The following ALDH5A1 variants were observed in gnomAD, a reference collection of about 807,000 sequenced individuals.
ALDH5A1 encodes the protein aldehyde dehydrogenase 5 family member A1, also known as succinate-semialdehyde dehydrogenase, mitochondrial.
Under a neutral mutation model 54.7 loss-of-function variants are expected in ALDH5A1, and 33 were observed. That is an observed-to-expected ratio of 0.60 (90% CI 0.46 to 0.81). ALDH5A1 has a LOEUF of 0.81. Ranked by LOEUF, ALDH5A1 falls within the 30% of genes least tolerant of loss-of-function variation. ALDH5A1 has a pLI of 0.00. For missense variants in ALDH5A1, 657 were observed against 711.0 expected (o/e 0.92, Z 0.86); for synonymous variants, 294 against 292.7 (o/e 1.00, Z -0.05).
chr6:24,506,825 A>G (rs1759368393), intron 4 of ALDH5A1, among the ~76,000 whole-genome samples: 3 of 104,964 alleles, frequency 2.9e-5, no homozygotes, highest in Admixed American at 1.9e-4. Context: ...AATTTCTCCT[A>G]TTACTAGCAG....
At chr6:24,525,704 G>A (rs1759786451) in intron 7 of ALDH5A1, among the ~76,000 whole-genome samples, 2 of 77,726 alleles carry the variant, frequency 2.6e-5, no homozygotes, top group South Asian at 3.3e-4. Flanking sequence ...CAAAACAGAA[G>A]TCAAAACAGA....
At chr6:24,531,382 C>G (rs1191312209) in intron 8 of ALDH5A1, among the ~76,000 whole-genome samples, 2 of 152,192 alleles carry the variant, frequency 1.3e-5, no homozygotes, top group Non-Finnish European at 2.9e-5. Flanking sequence ...TGATGTAGCT[C>G]TAGACTTTGC....
intron 4 of ALDH5A1, among the ~76,000 whole-genome samples, chr6:24,508,437 C>T (rs1237106387): frequency 1.4e-5 from 2 of 147,686 alleles, no homozygotes; most frequent in African/African-American, 5.0e-5. Context: ...CTGCAAATGC[C>T]ATTAATTCAT....
intron 1 of ALDH5A1, among the ~76,000 whole-genome samples, chr6:24,498,557 C>T (rs1485964608): frequency 6.6e-6 from 1 of 152,232 alleles, no homozygotes; most frequent in African/African-American, 2.4e-5. Context: ...CAGCATTATC[C>T]TGTGTTCAGA....
At chr6:24,532,235 G>T in intron 9 of ALDH5A1, 58 bp downstream of exon 9, 1 of 1,554,136 alleles carries the variant, frequency 6.4e-7, no homozygotes, top group Non-Finnish European at 8.9e-7. Context: ...GCTCATGCCA[G>T]ATTTACCCTT....
chr6:24,532,058 CA>C (rs1197957130), intron 8 of ALDH5A1, 60 bp from the exon 9 acceptor site: 2 of 1,514,134 alleles, frequency 1.3e-6, no homozygotes, highest in African/African-American at 2.7e-5. Flanking sequence ...CAGAAGAAAA[CA>C]AAACTGGTTT....
intron 7 of ALDH5A1, among the ~76,000 whole-genome samples, chr6:24,524,028 C>T (rs951517438): frequency 6.8e-6 from 1 of 147,160 alleles, no homozygotes. Flanking sequence ...CTCTGTTGCC[C>T]AGGCTAGAGT....
intron 7 of ALDH5A1, among the ~76,000 whole-genome samples, chr6:24,527,197 T>C (rs754739978): frequency 6.6e-6 from 1 of 151,716 alleles, no homozygotes; most frequent in Admixed American, 6.6e-5. Flanking sequence ...TCAAGCAAAT[T>C]ATCAATCAGG....
chr6:24,527,783 T>C (rs2127389463), intron 7 of ALDH5A1, among the ~76,000 whole-genome samples: 1 of 152,268 alleles, frequency 6.6e-6, no homozygotes, highest in African/African-American at 2.4e-5. Context: ...ATCAAACAGC[T>C]AGAAGATATC....
At position 24,535,456 on chromosome 6, in the gene ALDH5A1, G is replaced by C. The variant is rs763605460; in HGVS notation, c.*1744G>C. 3.9e-5 allele frequency: 6 copies of C among 152,190 alleles called. No individual in the cohort carries two copies. The highest frequency in any genetic ancestry group is 8.8e-5 in the Non-Finnish European group (6 of 68,030). The allele number at this position is 152,190 out of a possible 1,614,324, so 9.4% of individuals were successfully genotyped here. ...CTTCTCTTTATTTGTGTAGTTTTTAGGTGGTTTTATATAACATTTTAATTA... is the reference window on the plus strand; with the variant it reads ...CTTCTCTTTATTTGTGTAGTTTTTACGTGGTTTTATATAACATTTTAATTA... On this transcript the variant is annotated 3_prime_UTR_variant, in exon 10 of 10. Transcript: ENST00000357578.
At chr6:24,523,805 G>A (rs1054303423) in intron 7 of ALDH5A1, among the ~76,000 whole-genome samples, 1 of 152,050 alleles carries the variant, frequency 6.6e-6, no homozygotes, top group African/African-American at 2.4e-5. Flanking sequence ...CAGATGCCGC[G>A]TTCAGGATTT....
chr6:24,535,030 G>A lies in ALDH5A1; in HGVS notation c.*1318G>A, dbSNP rs1030834817. Reference sequence around the variant, plus strand: ...GCGTTGCCTCTCACTTTGAAAGAAAGACTCCGTAATCTTAAACAGATGCAA... The same window carrying A: ...GCGTTGCCTCTCACTTTGAAAGAAAAACTCCGTAATCTTAAACAGATGCAA... On this transcript the variant is annotated 3_prime_UTR_variant, in exon 10 of 10. Transcript: ENST00000357578. 6.6e-6 allele frequency: 1 copy of A among 152,214 alleles called. No individual in the cohort carries two copies. The highest frequency in any genetic ancestry group is 2.4e-5 in the African/African-American group (1 of 41,460). The allele number at this position is 152,214 out of a possible 1,614,324, so 9.4% of individuals were successfully genotyped here. A position where few individuals can be genotyped will look rare whatever the true frequency, so the allele number is the denominator to read the frequency against.
At chr6:24,495,397 C>T in intron 1 of ALDH5A1, 47 bp downstream of exon 1, 2 of 1,518,032 alleles carry the variant, frequency 1.3e-6, no homozygotes, top group Non-Finnish European at 1.8e-6. Context: ...GGGGACACGG[C>T]GGGGAGCAGA....
At chr6:24,517,769 A>T (rs927013116) in intron 5 of ALDH5A1, among the ~76,000 whole-genome samples, 4 of 152,224 alleles carry the variant, frequency 2.6e-5, no homozygotes, top group African/African-American at 9.6e-5. Context: ...CTGATGCATA[A>T]CTAAGCAAGC....
In ALDH5A1 at chr6:24,522,566, A is replaced by C. The variant is rs11751325; in HGVS notation, c.1015-201A>C. 0.35 allele frequency: 181,958 copies of C among 521,224 alleles called. 35,308 individuals are homozygous for C. The highest frequency in any genetic ancestry group is 0.41 in the Non-Finnish European group (117,971 of 284,714). The allele number at this position is 521,224 out of a possible 1,614,324, so 32.3% of individuals were successfully genotyped here. On this transcript the variant is annotated intron_variant, in intron 6 of 9. Transcript: ENST00000357578. ...CAGCTGTGTAGCATAGCAGCTGTGGAGGGAACTGGAGGGGAACATGCACTG... is the reference window on the plus strand; with the variant it reads ...CAGCTGTGTAGCATAGCAGCTGTGGCGGGAACTGGAGGGGAACATGCACTG...
At chr6:24,499,131 A>C (rs1323916929) in intron 1 of ALDH5A1, among the ~76,000 whole-genome samples, 1 of 151,568 alleles carries the variant, frequency 6.6e-6, no homozygotes, top group Non-Finnish European at 1.5e-5. Flanking sequence ...AAAAAATACA[A>C]AAATTAGCCA....
chr6:24,516,228 A>G (rs933990366), intron 5 of ALDH5A1, among the ~76,000 whole-genome samples: 22 of 151,938 alleles, frequency 1.4e-4, no homozygotes, highest in Admixed American at 1.4e-3. Flanking sequence ...CAAGGTCAGG[A>G]GATCAAGACC....
In ALDH5A1 at chr6:24,533,865, T is replaced by C; in HGVS notation, c.*153T>C. 1 of 748,278 alleles carries C rather than the reference T, an allele frequency of 1.3e-6. No homozygotes were observed. The highest frequency in any genetic ancestry group is 2.8e-5 in the Admixed American group (1 of 35,974). 46.4% of individuals were successfully genotyped at this position (748,278 alleles called of 1,614,324 possible). ...TGTAATCTTAAACAGATGCAAATCC[T>C]ACCCCTGCCCTTAATGTAACTAGGG... On this transcript the variant is annotated 3_prime_UTR_variant, in exon 10 of 10. Transcript: ENST00000357578.
rs370942126 is a variant in ALDH5A1 at position 24,528,159 on chromosome 6, G to A, written c.1336G>A (p.Val446Ile). The change falls in exon 8 of 10, where the codon GTT (valine) becomes ATT (isoleucine). Residue 446 changes from valine to isoleucine, a missense_variant. Transcript: ENST00000357578. The stretch of plus-strand genomic sequence containing the variant: ...AGAGACTTTCGGGCCTCTGGCACCA[G>A]TTATCAAGTAAGATCCTCCAGCCAG... ...HEETFGPLAP[V>I]IKFDTEEEAI... The A allele has an allele frequency of 6.2e-7, 1 of 1,613,850 alleles. No homozygotes were observed. Among genetic ancestry groups the A allele is most frequent in the Non-Finnish European group, 8.5e-7 (1 of 1,179,818 alleles).
Sources: gnomAD v4.1 joint callset for allele counts (sites outside exome capture counted in the v4.1 genomes callset) on GRCh38, gnomAD v4.1.1 for gene constraint, MANE v1.5 for transcripts, NCBI Gene and HGNC (gene_info 2026-07-23, HGNC 2026-07-21) for gene names.